The following CSNK1G3 variants were observed in gnomAD, a reference collection of about 807,000 sequenced individuals.
CSNK1G3 encodes the protein casein kinase 1 gamma 3, also known as casein kinase I isoform gamma-3.
Under a neutral mutation model 64.3 loss-of-function variants are expected in CSNK1G3, and 23 were observed. The ratio of observed to expected loss-of-function variants is 0.36; its 90% CI spans 0.26 to 0.51. The LOEUF (loss-of-function observed/expected upper bound fraction) is 0.51, where lower values mean the gene tolerates loss of function less well. Among genes scored for constraint, CSNK1G3 ranks in the 20% least tolerant of loss-of-function variants. The pLI, the probability that CSNK1G3 is intolerant of heterozygous loss-of-function variation, is 0.96. For missense variants in CSNK1G3, 357 were observed against 510.5 expected (o/e 0.70, Z 2.90); for synonymous variants, 158 against 162.2 (o/e 0.97, Z 0.20).
intron 1 of CSNK1G3, among the ~76,000 whole-genome samples, chr5:123,544,756 T>C (rs2150254255): frequency 6.6e-6 from 1 of 152,308 alleles, no homozygotes; most frequent in Middle Eastern, 3.4e-3. Context: ...AATTTCTGCA[T>C]CTGATAAGGT....
intron 4 of CSNK1G3, among the ~76,000 whole-genome samples, chr5:123,567,388 G>A (rs1787125687): frequency 6.6e-6 from 1 of 152,018 alleles, no homozygotes; most frequent in Non-Finnish European, 1.5e-5. Flanking sequence ...ATCACTTGAG[G>A]TCTGGAGTTT....
At chr5:123,594,498 A>T (rs907225946) in intron 10 of CSNK1G3, among the ~76,000 whole-genome samples, 4 of 152,164 alleles carry the variant, frequency 2.6e-5, no homozygotes, top group Non-Finnish European at 5.9e-5. Flanking sequence ...TCCCTTTTCA[A>T]AGAACTTTTC....
chr5:123,514,216 G>T (rs1029407902), intron 1 of CSNK1G3, among the ~76,000 whole-genome samples: 4 of 151,948 alleles, frequency 2.6e-5, no homozygotes, highest in African/African-American at 9.7e-5. Flanking sequence ...ATTTTTTTGG[G>T]GATCTTGAGA....
At chr5:123,581,353 T>TGG (rs1218818282) in intron 6 of CSNK1G3, among the ~76,000 whole-genome samples, 1 of 132,930 alleles carries the variant, frequency 7.5e-6, no homozygotes, top group Non-Finnish European at 1.6e-5. Context: ...TTTTGTTTTT[T>TGG]GGGTTTGTTT....
intron 10 of CSNK1G3, among the ~76,000 whole-genome samples, chr5:123,597,044 A>G (rs1436426057): frequency 6.6e-6 from 1 of 152,040 alleles, no homozygotes; most frequent in African/African-American, 2.4e-5. Flanking sequence ...AGTACCTAAA[A>G]TTTGAACTGA....
At chr5:123,614,933 T>C (rs1311328340) in exon 13 of CSNK1G3, 1 of 152,710 alleles carries the variant, frequency 6.5e-6, no homozygotes, top group South Asian at 2.1e-4. Flanking sequence ...CTGTTATTCA[T>C]AAGTCATATT....
At chr5:123,562,070 A>G (rs1785846251) in intron 4 of CSNK1G3, among the ~76,000 whole-genome samples, 1 of 152,022 alleles carries the variant, frequency 6.6e-6, no homozygotes, top group Admixed American at 6.6e-5. Context: ...TTCTCTTTCT[A>G]CTGACCTACT....
intron 2 of CSNK1G3, among the ~76,000 whole-genome samples, chr5:123,547,449 CTGTGTGTG>C: frequency 6.6e-6 from 1 of 150,516 alleles, no homozygotes; most frequent in East Asian, 1.9e-4. Flanking sequence ...AGGTATGTGT[CTGTGTGTG>C]TGTGTGTGTA....
At chr5:123,555,266 T>C (rs1784420164) in intron 3 of CSNK1G3, among the ~76,000 whole-genome samples, 1 of 152,350 alleles carries the variant, frequency 6.6e-6, no homozygotes, top group South Asian at 2.1e-4. Context: ...TCTAGTCACG[T>C]TCACCTCAAG....
At chr5:123,587,425 G>C (rs1404815840) in intron 6 of CSNK1G3, among the ~76,000 whole-genome samples, 1 of 152,152 alleles carries the variant, frequency 6.6e-6, no homozygotes, top group Non-Finnish European at 1.5e-5. Context: ...ATCTCCCTGA[G>C]CCTTAGTCTG....
At chr5:123,554,732 G>A (rs1014422797) in intron 3 of CSNK1G3, among the ~76,000 whole-genome samples, 10 of 152,204 alleles carry the variant, frequency 6.6e-5, no homozygotes, top group Non-Finnish European at 8.8e-5. Flanking sequence ...TTTGTGGTGT[G>A]CAAGGATAAA....
chr5:123,613,079 G>GTA (rs1748717967), intron 12 of CSNK1G3, among the ~76,000 whole-genome samples: 2 of 151,916 alleles, frequency 1.3e-5, no homozygotes, highest in Admixed American at 1.3e-4. Context: ...CTGTCATGTT[G>GTA]TATATTTTAA....
chr5:123,589,052 A>T (rs905928209), intron 8 of CSNK1G3, among the ~76,000 whole-genome samples: 26 of 152,278 alleles, frequency 1.7e-4, no homozygotes, highest in Non-Finnish European at 2.6e-4. Flanking sequence ...AAATTTACTT[A>T]AGATTTCTAC....
intron 2 of CSNK1G3, among the ~76,000 whole-genome samples, chr5:123,550,560 CAT>C (rs1420874870): frequency 6.6e-6 from 1 of 152,290 alleles, no homozygotes; most frequent in South Asian, 2.1e-4. Context: ...CTGCTGTAAA[CAT>C]ATATGTGTAG....
intron 1 of CSNK1G3, among the ~76,000 whole-genome samples, chr5:123,537,249 T>C (rs1429920672): frequency 2.0e-5 from 3 of 152,176 alleles, no homozygotes; most frequent in African/African-American, 7.2e-5. Flanking sequence ...TAGAATACTA[T>C]TCAGCCATAA....
chr5:123,608,067 C>A (rs1250732701), intron 12 of CSNK1G3, among the ~76,000 whole-genome samples: 5 of 152,062 alleles, frequency 3.3e-5, no homozygotes, highest in Non-Finnish European at 5.9e-5. Context: ...GTAGGTGGGA[C>A]TATAGGTGCA....
intron 1 of CSNK1G3, among the ~76,000 whole-genome samples, chr5:123,513,543 T>A (rs1329714761): frequency 6.6e-6 from 1 of 152,188 alleles, no homozygotes; most frequent in East Asian, 1.9e-4. Flanking sequence ...TATTAAAATA[T>A]TTACTTTAAA....
exon 13 of CSNK1G3, chr5:123,615,809 C>T (rs558384963): frequency 1.8e-4 from 27 of 152,192 alleles, no homozygotes; most frequent in African/African-American, 6.0e-4. Context: ...TTACTTATTC[C>T]TCCCATGCAG....
At chr5:123,551,138 T>C (rs569463888) in intron 2 of CSNK1G3, among the ~76,000 whole-genome samples, 232 of 152,320 alleles carry the variant, frequency 1.5e-3, no homozygotes, top group South Asian at 6.6e-3. Context: ...AAAATAGTTA[T>C]GAAAAGATGA....
Sources: allele counts gnomAD v4.1 joint callset (sites outside exome capture counted in the v4.1 genomes callset), GRCh38; gene constraint gnomAD v4.1.1; transcripts MANE v1.5; gene names NCBI Gene and HGNC (gene_info 2026-07-23, HGNC 2026-07-21).